COL14A1: variants seen among roughly 807,000 people sequenced by gnomAD.
COL14A1 encodes the protein collagen alpha-1(XIV) chain.
A neutral mutation model predicts 230.3 loss-of-function variants in COL14A1; 136 were observed. That is an observed-to-expected ratio of 0.59 (90% CI 0.51 to 0.68). COL14A1 has a LOEUF of 0.68. Ranked by LOEUF, COL14A1 falls within the 30% of genes least tolerant of loss-of-function variation. The pLI, the probability that COL14A1 is intolerant of heterozygous loss-of-function variation, is 0.00. For synonymous variants in COL14A1, 792 were observed against 784.1 expected (o/e 1.01, Z -0.17); for missense variants, 1,976 against 2,215.8 (o/e 0.89, Z 2.17).
intron 1 of COL14A1, among the ~76,000 whole-genome samples, chr8:120,131,859 T>G (rs1245309572): frequency 7.1e-5 from 10 of 140,328 alleles, no homozygotes; most frequent in African/African-American, 2.6e-4. Context: ...TTTTTTTTTT[T>G]TTTTTGAGAC....
chr8:120,278,486 C>T lies in COL14A1; in HGVS notation c.3389C>T (p.Thr1130Ile). 6.2e-7 allele frequency: 1 copy of T among 1,613,048 alleles called. No homozygotes were observed. Among genetic ancestry groups the T allele is most frequent in the Non-Finnish European group, 8.5e-7 (1 of 1,179,478 alleles). Residue 1130 changes from threonine to isoleucine, a missense_variant, in exon 28 of 48, where the codon ACA becomes ATA. Transcript: ENST00000297848. ...ACCTTGTTCACTGCAGAGTCAGGTA[C>T]AAGAAGGGGCATCCCAAAGGTTATC... ...RDTLFTAESG[T>I]RRGIPKVIVV...
At chr8:120,328,571 C>A (rs1821764650) in intron 40 of COL14A1, among the ~76,000 whole-genome samples, 2 of 152,002 alleles carry the variant, frequency 1.3e-5, no homozygotes, top group Non-Finnish European at 2.9e-5. Flanking sequence ...GAAGCACTAG[C>A]CCTTTCACCA....
At position 120,278,242 on chromosome 8, in the gene COL14A1, C is replaced by T. The variant is rs1308770201; in HGVS notation, c.3337+8C>T. On this transcript the variant is annotated splice_region_variant and intron_variant, in intron 27 of 47. Coordinates refer to ENST00000297848, the MANE Select transcript of COL14A1 (RefSeq NM_021110.4). ...GAGGAAATACAAAAACAGGTATGAC[C>T]AAAAGAAGCCCAGCTAAGGCTCAAA... 2.5e-6 allele frequency: 4 copies of T among 1,597,330 alleles called. No homozygotes were observed. Among genetic ancestry groups the T allele is most frequent in the Non-Finnish European group, 3.4e-6 (4 of 1,174,554 alleles).
At chr8:120,282,807 A>G (rs1174413080) in intron 31 of COL14A1, among the ~76,000 whole-genome samples, 1 of 151,998 alleles carries the variant, frequency 6.6e-6, no homozygotes, top group Admixed American at 6.6e-5. Context: ...TTTCTGGGAG[A>G]GATTAGCATG....
intron 9 of COL14A1, among the ~76,000 whole-genome samples, chr8:120,206,684 C>T (rs1450622583): frequency 2.2e-4 from 34 of 152,078 alleles, no homozygotes; most frequent in Admixed American, 2.2e-3. Flanking sequence ...TAACAATGAC[C>T]TTAATTTAAG....
chr8:120,310,628 T>C (rs1821006036), intron 37 of COL14A1, among the ~76,000 whole-genome samples: 1 of 152,186 alleles, frequency 6.6e-6, no homozygotes, highest in African/African-American at 2.4e-5. Flanking sequence ...CACAAAGGCA[T>C]CCTGAGGACT....
chr8:120,191,629 A>G (rs1346616554), intron 5 of COL14A1, among the ~76,000 whole-genome samples: 1 of 151,082 alleles, frequency 6.6e-6, no homozygotes, highest in African/African-American at 2.4e-5. Context: ...TGATCTGTCT[A>G]ATGTTGACAG....
chr8:120,177,595 G>C (rs1326606842), intron 5 of COL14A1, among the ~76,000 whole-genome samples: 1 of 144,976 alleles, frequency 6.9e-6, no homozygotes, highest in Non-Finnish European at 1.5e-5. Context: ...GTTGCAGTGA[G>C]CTGAGATCGT....
chr8:120,353,643 C>T (rs1822857062), intron 45 of COL14A1, among the ~76,000 whole-genome samples: 1 of 150,996 alleles, frequency 6.6e-6, no homozygotes, highest in Non-Finnish European at 1.5e-5. Flanking sequence ...TGAAAAAATG[C>T]TCATCATCAC....
At chr8:120,251,781 C>T (rs1818970940) in intron 22 of COL14A1, among the ~76,000 whole-genome samples, 1 of 151,910 alleles carries the variant, frequency 6.6e-6, no homozygotes, top group Non-Finnish European at 1.5e-5. Context: ...AGTTAAATAT[C>T]CAAATTTTCA....
chr8:120,343,451 C>A (rs4871059), intron 44 of COL14A1, among the ~76,000 whole-genome samples: 59,030 of 152,004 alleles, frequency 0.39, 11,533 homozygotes, highest in South Asian at 0.45. Context: ...TCTAAGACAG[C>A]TTTGTTGGCT....
At chr8:120,196,396 G>A (rs1178812636) in intron 5 of COL14A1, among the ~76,000 whole-genome samples, 13 of 152,142 alleles carry the variant, frequency 8.5e-5, no homozygotes, top group Admixed American at 4.6e-4. Context: ...TAGGAGAGCC[G>A]TCTTTTTGCC....
intron 13 of COL14A1, 44 bp downstream of exon 13, chr8:120,212,621 C>T (rs1014693609): frequency 6.2e-7 from 1 of 1,608,008 alleles, no homozygotes; most frequent in East Asian, 2.2e-5. Context: ...AGTAAAAGCC[C>T]ACATGAATGT....
chr8:120,132,489 T>G (rs955251000), intron 1 of COL14A1, among the ~76,000 whole-genome samples: 2 of 152,282 alleles, frequency 1.3e-5, no homozygotes, highest in Admixed American at 1.3e-4. Context: ...GTTGGATAAT[T>G]TGATGCCTTC....
intron 9 of COL14A1, 134 bp from the exon 10 acceptor site, chr8:120,206,809 G>A (rs1817447212): frequency 4.7e-6 from 4 of 843,120 alleles, no homozygotes; most frequent in Non-Finnish European, 7.0e-6. Context: ...ATGGATAACT[G>A]AATCAACTTA....
rs1211698074 is a variant in COL14A1, at chr8:120,280,909, T to C, written c.3686-12T>C. The C allele has an allele frequency of 1.3e-6, 2 of 1,561,288 alleles. No individual in the cohort carries two copies. Among genetic ancestry groups the C allele is most frequent in the Admixed American group, 4.1e-5 (2 of 48,516 alleles). ...TATGTTTATTCTTTTTCTACTTTTTTTTTTTTTTTAGGATTTAAGATGATG... is the reference window on the plus strand; with the variant it reads ...TATGTTTATTCTTTTTCTACTTTTTCTTTTTTTTTAGGATTTAAGATGATG... On this transcript the variant is annotated splice_polypyrimidine_tract_variant and intron_variant, in intron 30 of 47. Coordinates refer to ENST00000297848, the MANE Select transcript of COL14A1 (RefSeq NM_021110.4).
Position 120,285,855 on chromosome 8 carries a change from C to G in COL14A1, c.3968-6C>G. On this transcript the variant is annotated splice_region_variant and splice_polypyrimidine_tract_variant and intron_variant, in intron 32 of 47. Coordinates refer to ENST00000297848, the MANE Select transcript of COL14A1 (RefSeq NM_021110.4). ...TTCTAAAATATTTTTATTTTTCTTT[C>G]AATAGATGGTGGGAAAACTCTAACA... The G allele has an allele frequency of 6.6e-7, 1 of 1,526,236 alleles. No individual in the cohort carries two copies. The highest frequency in any genetic ancestry group is 8.9e-7 in the Non-Finnish European group (1 of 1,119,518). 94.5% of individuals were successfully genotyped at this position (1,526,236 alleles called of 1,614,324 possible). A position where few individuals can be genotyped will look rare whatever the true frequency, so the allele number is the denominator to read the frequency against.
intron 25 of COL14A1, 73 bp downstream of exon 25, chr8:120,266,956 C>G: frequency 7.9e-7 from 1 of 1,267,908 alleles, no homozygotes; most frequent in East Asian, 2.3e-5. Context: ...CTGTTCATTT[C>G]AAACCAGGAT....
At chr8:120,187,224 C>T (rs1816679158) in intron 5 of COL14A1, among the ~76,000 whole-genome samples, 1 of 151,988 alleles carries the variant, frequency 6.6e-6, no homozygotes, top group Non-Finnish European at 1.5e-5. Context: ...AGAACAAAAC[C>T]AATAATATTG....
Sources: gnomAD v4.1 joint callset for allele counts (sites outside exome capture counted in the v4.1 genomes callset) on GRCh38, gnomAD v4.1.1 for gene constraint, MANE v1.5 for transcripts, NCBI Gene and HGNC (gene_info 2026-07-23, HGNC 2026-07-21) for gene names.